BEX2: variants seen among roughly 807,000 people sequenced by gnomAD.
The protein encoded by BEX2 is brain expressed X-linked 2, also known as protein BEX2.
In BEX2, 2 loss-of-function variants were observed where a neutral mutation model predicts 4.1. That is an observed-to-expected ratio of 0.49 (90% confidence interval 0.20 to 1.53). BEX2 has a LOEUF of 1.53. BEX2 is among the 40% of genes most tolerant of loss of function. The pLI, the probability that BEX2 is intolerant of heterozygous loss-of-function variation, is 0.23. For missense variants in BEX2, 94 were observed against 99.9 expected (o/e 0.94, Z 0.25); for synonymous variants, 34 against 35.9 (o/e 0.95, Z 0.19).
chrX:103,309,858 G>A lies in BEX2; in HGVS notation c.119C>T (p.Pro40Leu). 8.3e-7 allele frequency: 1 copy of A among 1,211,902 alleles called. No homozygotes were observed. The highest frequency in any genetic ancestry group is 1.1e-6 in the Non-Finnish European group (1 of 895,573). ...CACACAGTATTCACTAACATTCAAA[G>A]GTAGGGCCAAGGGCTCCCCTTTATT... The part of the protein sequence containing the change: ...VANKGEPLAL[P>L]LNVSEYCVPR... The change falls in exon 3 of 3, where the codon CCT becomes CTT. Residue 40 changes from proline (P) to leucine (L), a missense_variant. Transcript: ENST00000372677.
At chrX:103,310,023 GATCA>G in intron 2 of BEX2, 42 bp from the exon 3 acceptor site, 1 of 1,144,365 alleles carries the variant, frequency 8.7e-7, no homozygotes, top group Non-Finnish European at 1.2e-6. Flanking sequence ...TTGGTGAACT[GATCA>G]GCACCGAGGA....
intron 1 of BEX2, 31 bp from the exon 2 acceptor site, chrX:103,310,464 G>A: frequency 8.7e-7 from 1 of 1,154,239 alleles, no homozygotes; most frequent in Non-Finnish European, 1.1e-6. Context: ...AAGAGTGGGG[G>A]CTGCTGCAGC....
At chrX:103,310,714 C>A in intron 1 of BEX2, 146 bp downstream of exon 1, 1 of 927,899 alleles carries the variant, frequency 1.1e-6, no homozygotes, top group South Asian at 2.3e-5. Flanking sequence ...CCCCTCCGCT[C>A]ACACAAGGCT....
At chrX:103,310,487 A>G (rs1470900458) in intron 1 of BEX2, 54 bp from the exon 2 acceptor site, 1 of 1,148,660 alleles carries the variant, frequency 8.7e-7, no homozygotes, top group Non-Finnish European at 1.2e-6. Flanking sequence ...AACGCTAGAG[A>G]GGACCCGCCG....
At chrX:103,310,627 A>G (rs2147685454) in intron 1 of BEX2, 194 bp from the exon 2 acceptor site, 3 of 1,153,526 alleles carry the variant, frequency 2.6e-6, no homozygotes, top group East Asian at 6.5e-5. Context: ...GTGTTGGAAA[A>G]GCTTGCGCTG....
rs1319152094 is a variant in BEX2 at position 103,310,249 on chromosome X, GGTGGGGGTGGGGGATTGCTAAGT to G, written c.-6+86_-6+108del. On this transcript the variant is annotated intron_variant, in intron 2 of 2. Transcript: ENST00000372677. ...GCACCAAAATGGAGGACGAAGAAGGGGTGGGGGTGGGGGATTGCTAAGTGTGGGGGTGAAGGCACGGATTGGGG... is the reference window on the plus strand; with the variant it reads ...GCACCAAAATGGAGGACGAAGAAGGGGTGGGGGTGAAGGCACGGATTGGGG... 141 of 869,726 alleles carry G rather than the reference GGTGGGGGTGGGGGATTGCTAAGT, an allele frequency of 1.6e-4. No homozygotes were observed. In the African/African-American group the frequency reaches 2.5e-3, roughly 16 times the overall value. The allele number at this position is 869,726 out of a possible 1,213,427, so 71.7% of individuals were successfully genotyped here.
Position 103,309,501 on chromosome X carries a change from A to G in BEX2, c.*89T>C. 8.8e-7 allele frequency: 1 copy of G among 1,139,579 alleles called. No individual in the cohort carries two copies. The highest frequency in any genetic ancestry group is 1.2e-6 in the Non-Finnish European group (1 of 854,402). 93.9% of individuals were successfully genotyped at this position (1,139,579 alleles called of 1,213,427 possible). ...AGGAGACCCACAAGAAATAGGTAACATCAAAACGTTTACGACAAAGGTACA... is the reference window on the plus strand; with the variant it reads ...AGGAGACCCACAAGAAATAGGTAACGTCAAAACGTTTACGACAAAGGTACA... On this transcript the variant is annotated 3_prime_UTR_variant, in exon 3 of 3. Transcript: ENST00000372677.
At position 103,309,635 on chromosome X, in the gene BEX2, A is replaced by G; in HGVS notation, c.342T>C (p.Asp114=). ...CATCGTGATGGTCATGGTGAGGGGG[A>G]TCAGTGCTGACTGCCCGCAAACTAT... ...LSHSLRAVST[D]PPHHDHHDEF... The change falls in exon 3 of 3, where the codon GAT becomes GAC. Residue 114 remains aspartate, a synonymous_variant. Coordinates refer to ENST00000372677, the MANE Select transcript of BEX2 (RefSeq NM_032621.4). 1 of 1,210,991 alleles carries G rather than the reference A, an allele frequency of 8.3e-7. No individual in the cohort carries two copies. Among genetic ancestry groups the G allele is most frequent in the Non-Finnish European group, 1.1e-6 (1 of 895,382 alleles).
rs143773650 is a variant in BEX2, at chrX:103,309,638, A to G, written c.339T>C (p.Thr113=). 1.7e-6 allele frequency: 2 copies of G among 1,211,566 alleles called. No homozygotes were observed. The highest frequency in any genetic ancestry group is 2.2e-6 in the Non-Finnish European group (2 of 895,518). ...CGTGATGGTCATGGTGAGGGGGATC[A>G]GTGCTGACTGCCCGCAAACTATGAC... ...QLSHSLRAVS[T]DPPHHDHHDE... The change falls in exon 3 of 3, where the codon ACT becomes ACC. Residue 113 remains threonine (T), a synonymous_variant. Coordinates refer to ENST00000372677, the MANE Select transcript of BEX2 (RefSeq NM_032621.4).
intron 2 of BEX2, 79 bp downstream of exon 2, chrX:103,310,279 G>C: frequency 9.6e-7 from 1 of 1,038,756 alleles, no homozygotes; most frequent in Admixed American, 2.8e-5. Flanking sequence ...AAGTGTGGGG[G>C]TGAAGGCACG....
At chrX:103,310,320 G>A in intron 2 of BEX2, 38 bp downstream of exon 2, 2 of 1,137,419 alleles carry the variant, frequency 1.8e-6, no homozygotes, top group African/African-American at 1.8e-5. Context: ...CTTTCCTCAT[G>A]TTCTGACCCC....
rs1003392636 is a variant in BEX2, at chrX:103,310,956, G to C, written c.-178C>G. Reference sequence around the variant, plus strand: ...TACCACTGCCGAGAAGGGAGCGAGCGACGGCGGTTCTGACGCCACAACGAG... The same window carrying C: ...TACCACTGCCGAGAAGGGAGCGAGCCACGGCGGTTCTGACGCCACAACGAG... On this transcript the variant is annotated 5_prime_UTR_variant, in exon 1 of 3. Transcript: ENST00000372677. The C allele has an allele frequency of 2.9e-4, 56 of 189,841 alleles. 1 individual carries two copies. The highest frequency in any genetic ancestry group is 1.7e-3 in the African/African-American group (55 of 32,705). The allele number at this position is 189,841 out of a possible 1,213,427, so 15.6% of individuals were successfully genotyped here.
intron 1 of BEX2, 172 bp from the exon 2 acceptor site, chrX:103,310,605 G>A: frequency 8.7e-7 from 1 of 1,156,023 alleles, no homozygotes; most frequent in Non-Finnish European, 1.1e-6. Flanking sequence ...CATCAAGAAG[G>A]GCGGAGCAGG....
Position 103,309,758 on chromosome X carries a change from A to G in BEX2, c.219T>C (p.Leu73=), listed in dbSNP as rs1303921347. The G allele has an allele frequency of 9.1e-6, 11 of 1,209,659 alleles. No individual in the cohort carries two copies. Among genetic ancestry groups the G allele is most frequent in the Admixed American group, 8.7e-5 (4 of 45,750 alleles). ...LQYRWDIMHR[L]GEPQARMREE... ...CTCTCATCCTTGCCTGTGGCTCTCC[A>G]AGCCTATGCATTATGTCCCATCTAT... Residue 73 remains leucine, a synonymous_variant, in exon 3 of 3, where the codon CTT becomes CTC. Coordinates refer to ENST00000372677, the MANE Select transcript of BEX2 (RefSeq NM_032621.4).
intron 2 of BEX2, among the ~76,000 whole-genome samples, 174 bp from the exon 3 acceptor site, chrX:103,310,155 C>T (rs991465893): frequency 2.7e-5 from 3 of 110,590 alleles, no homozygotes; most frequent in African/African-American, 9.9e-5. Flanking sequence ...GCGAGGGGAG[C>T]CAGTCTGTGC....
Position 103,310,924 on chromosome X carries a change from G to T in BEX2, c.-146C>A. The T allele has an allele frequency of 4.2e-6, 1 of 237,569 alleles. No individual in the cohort carries two copies. Among genetic ancestry groups the T allele is most frequent in the Non-Finnish European group, 7.3e-6 (1 of 136,905 alleles). The allele number at this position is 237,569 out of a possible 1,213,427, so 19.6% of individuals were successfully genotyped here. On this transcript the variant is annotated 5_prime_UTR_variant, in exon 1 of 3. Coordinates refer to ENST00000372677, the MANE Select transcript of BEX2 (RefSeq NM_032621.4). Reference sequence around the variant, plus strand: ...GCCCGCACGTCCTCAGGGACACCGGGAACAGGTACCACTGCCGAGAAGGGA... The same window carrying T: ...GCCCGCACGTCCTCAGGGACACCGGTAACAGGTACCACTGCCGAGAAGGGA...
chrX:103,310,796 G>T, intron 1 of BEX2, 64 bp downstream of exon 1: 1 of 454,615 alleles, frequency 2.2e-6, no homozygotes, highest in Non-Finnish European at 3.5e-6. Context: ...CCCGGGGATG[G>T]GGCATCCGCA....
chrX:103,310,361 G>T lies in BEX2; in HGVS notation c.-9C>A, dbSNP rs1425593459. 1.1e-5 allele frequency: 13 copies of T among 1,155,727 alleles called. No homozygotes were observed. The highest frequency in any genetic ancestry group is 6.9e-6 in the Non-Finnish European group (6 of 872,745). ...CACCACCGTCCCTCGCACTGACCTGGGCCTATCCTTGCAGTCTCCTCCTCC... is the reference window on the plus strand; with the variant it reads ...CACCACCGTCCCTCGCACTGACCTGTGCCTATCCTTGCAGTCTCCTCCTCC... On this transcript the variant is annotated 5_prime_UTR_variant, in exon 2 of 3. Transcript: ENST00000372677.
chrX:103,310,255 G>A (rs916270709), intron 2 of BEX2, 103 bp downstream of exon 2: 15 of 898,623 alleles, frequency 1.7e-5, no homozygotes, highest in Middle Eastern at 4.1e-4. Context: ...AAGGGGTGGG[G>A]GTGGGGGATT....
Sources: gnomAD v4.1 joint callset for allele counts (sites outside exome capture counted in the v4.1 genomes callset) on GRCh38, gnomAD v4.1.1 for gene constraint, MANE v1.5 for transcripts, NCBI Gene and HGNC (gene_info 2026-07-23, HGNC 2026-07-21) for gene names.